Variants in ZNF407 observed in about 807,000 individuals in gnomAD.
ZNF407 encodes the protein zinc finger protein 407.
In ZNF407, 17 loss-of-function variants were observed where a neutral mutation model predicts 131.2. The ratio of observed to expected loss-of-function variants is 0.13; its 90% CI spans 0.09 to 0.19. ZNF407 has a LOEUF of 0.19. Ranked by LOEUF, ZNF407 falls within the 10% of genes least tolerant of loss-of-function variation. The pLI, the probability that ZNF407 is intolerant of heterozygous loss-of-function variation, is 1.00. For missense variants in ZNF407, 2,681 were observed against 2,830.6 expected (o/e 0.95, Z 1.20); for synonymous variants, 1,156 against 1,062.0 (o/e 1.09, Z -1.72).
At chr18:75,035,537 A>G (rs1422568081) in intron 8 of ZNF407, among the ~76,000 whole-genome samples, 2 of 152,256 alleles carry the variant, frequency 1.3e-5, no homozygotes, top group Non-Finnish European at 2.9e-5. Context: ...AATAACCAAT[A>G]TATTACTAAT....
At chr18:74,875,376 G>C (rs1490788472) in intron 4 of ZNF407, among the ~76,000 whole-genome samples, 1 of 151,970 alleles carries the variant, frequency 6.6e-6, no homozygotes, top group African/African-American at 2.4e-5. Flanking sequence ...ATATATTGAG[G>C]TTTCATAGAT....
intron 3 of ZNF407, among the ~76,000 whole-genome samples, chr18:74,685,630 C>T (rs1967080099): frequency 6.6e-6 from 1 of 152,234 alleles, no homozygotes; most frequent in Non-Finnish European, 1.5e-5. Context: ...CCCCACCTCA[C>T]TCACTCGGCT....
intron 3 of ZNF407, among the ~76,000 whole-genome samples, chr18:74,724,688 G>T (rs966805271): frequency 2.6e-5 from 4 of 152,128 alleles, no homozygotes; most frequent in African/African-American, 9.7e-5. Flanking sequence ...TAGTTTTATG[G>T]CAGTGTAACA....
At chr18:74,699,318 T>G (rs758482658) in intron 3 of ZNF407, among the ~76,000 whole-genome samples, 118 of 152,336 alleles carry the variant, frequency 7.7e-4, no homozygotes, top group Non-Finnish European at 1.2e-3. Context: ...GTTTTTATCC[T>G]CATTTTTATG....
At chr18:74,717,170 G>A (rs1967914757) in intron 3 of ZNF407, among the ~76,000 whole-genome samples, 1 of 152,144 alleles carries the variant, frequency 6.6e-6, no homozygotes, top group South Asian at 2.1e-4. Flanking sequence ...TGTAATTTTA[G>A]AAATGTAAAA....
At chr18:75,000,992 A>C (rs929873791) in intron 8 of ZNF407, among the ~76,000 whole-genome samples, 1 of 152,048 alleles carries the variant, frequency 6.6e-6, no homozygotes, top group Non-Finnish European at 1.5e-5. Flanking sequence ...TCCCCATTTG[A>C]TTTATTACTC....
Position 74,631,121 on chromosome 18 carries a change from G to T in ZNF407, c.102G>T (p.Gly34=), listed in dbSNP as rs757717240. The change falls in exon 2 of 9, where the codon GGG becomes GGT. Residue 34 remains glycine (G), a synonymous_variant. Transcript: ENST00000299687. ...TKLSSHNEDG[G]PVSDVIASFP... ...TTTCATCCCATAATGAAGACGGTGG[G>T]CCTGTATCTGATGTGATAGCAAGTT... 40 of 1,613,748 alleles carry T rather than the reference G, an allele frequency of 2.5e-5. No individual in the cohort carries two copies. The highest frequency in any genetic ancestry group is 3.2e-5 in the Non-Finnish European group (38 of 1,179,898).
In ZNF407 at chr18:74,633,181, C is replaced by T. The variant is rs369448284; in HGVS notation, c.2162C>T (p.Thr721Met). 7.4e-6 allele frequency: 12 copies of T among 1,613,406 alleles called. No individual in the cohort carries two copies. Among genetic ancestry groups the T allele is most frequent in the African/African-American group, 1.3e-5 (1 of 74,858 alleles). Residue 721 changes from threonine (T) to methionine (M), a missense_variant, in exon 2 of 9, where the codon ACG (threonine) becomes ATG (methionine). Transcript: ENST00000299687. The stretch of plus-strand genomic sequence containing the variant: ...AAAACAAGATCTTCTACTGTTCTCA[C>T]GAGACATATAAAGCTTCGGCATGGT... ...FYKTRSSTVL[T>M]RHIKLRHGQD...
chr18:75,002,994 A>G (rs1972866136), intron 8 of ZNF407, among the ~76,000 whole-genome samples: 1 of 152,172 alleles, frequency 6.6e-6, no homozygotes, highest in Non-Finnish European at 1.5e-5. Flanking sequence ...CTGCCTTAGC[A>G]TCCATATCAC....
At chr18:74,934,445 C>T (rs1042882268) in intron 8 of ZNF407, among the ~76,000 whole-genome samples, 5 of 152,176 alleles carry the variant, frequency 3.3e-5, no homozygotes, top group Non-Finnish European at 7.3e-5. Flanking sequence ...TTGAACTTTG[C>T]TGTCTTAAAT....
chr18:75,021,795 A>G (rs1341731333), intron 8 of ZNF407, among the ~76,000 whole-genome samples: 1 of 152,022 alleles, frequency 6.6e-6, no homozygotes, highest in African/African-American at 2.4e-5. Flanking sequence ...TGATGAGAGA[A>G]CTTTCTCATA....
In ZNF407 at chr18:75,040,218, T is replaced by C. The variant is rs146358823; in HGVS notation, c.5429-22932T>C. 3.3e-3 allele frequency among the ~76,000 whole-genome samples: 505 copies of C among 152,278 alleles called. 2 individuals are homozygous for C. The highest frequency in any genetic ancestry group is 6.0e-3 in the Non-Finnish European group (407 of 68,006). On this transcript the variant is annotated intron_variant, in intron 8 of 8. Transcript: ENST00000299687. ...GTGCATTTCCTGCCTAAAGGAATTT[T>C]TGTCACAGTCATGAGAATGCTGCCA...
intron 8 of ZNF407, among the ~76,000 whole-genome samples, chr18:74,960,988 G>A (rs1004019242): frequency 1.2e-4 from 17 of 146,374 alleles, no homozygotes; most frequent in South Asian, 2.2e-4. Flanking sequence ...AGGACTGGGT[G>A]GAGGGATAGG....
intron 7 of ZNF407, among the ~76,000 whole-genome samples, chr18:74,906,890 A>T (rs1971603120): frequency 6.6e-6 from 1 of 152,138 alleles, no homozygotes; most frequent in Admixed American, 6.5e-5. Context: ...CACATACTGT[A>T]TGTGTATACG....
intron 4 of ZNF407, among the ~76,000 whole-genome samples, chr18:74,824,700 C>T (rs886301857): frequency 6.6e-6 from 1 of 152,124 alleles, no homozygotes; most frequent in Non-Finnish European, 1.5e-5. Flanking sequence ...ATAACAAGTT[C>T]TGAAATTGAG....
chr18:74,605,477 G>A (rs62097585), intron 1 of ZNF407, among the ~76,000 whole-genome samples: 17,249 of 152,208 alleles, frequency 0.11, 1,097 homozygotes, highest in Non-Finnish European at 0.14. Context: ...CTGTTATCCA[G>A]CAGTGGTCAG....
chr18:75,046,551 A>G (rs1373948173), intron 8 of ZNF407, among the ~76,000 whole-genome samples: 1 of 152,188 alleles, frequency 6.6e-6, no homozygotes, highest in African/African-American at 2.4e-5. Context: ...AAATCCACTC[A>G]TAAGCCAGCA....
chr18:74,754,492 A>G (rs199525512), intron 3 of ZNF407, among the ~76,000 whole-genome samples: 2 of 152,222 alleles, frequency 1.3e-5, no homozygotes, highest in African/African-American at 2.4e-5. Flanking sequence ...ATTTAGTGCT[A>G]TAAATTTCCC....
chr18:74,692,806 G>A (rs1471885447), intron 3 of ZNF407, among the ~76,000 whole-genome samples: 3 of 152,026 alleles, frequency 2.0e-5, no homozygotes, highest in African/African-American at 7.3e-5. Flanking sequence ...CAGGTGGAGT[G>A]GCCTCCACCC....
Sources: gnomAD v4.1 joint callset for allele counts (sites outside exome capture counted in the v4.1 genomes callset) on GRCh38, gnomAD v4.1.1 for gene constraint, MANE v1.5 for transcripts, NCBI Gene and HGNC (gene_info 2026-07-23, HGNC 2026-07-21) for gene names.